Variants in MCF2L2 observed in about 807,000 individuals in gnomAD.
The protein encoded by MCF2L2 is probable guanine nucleotide exchange factor MCF2L2.
In MCF2L2, 102 loss-of-function variants were observed where a neutral mutation model predicts 150.2. The observed-to-expected ratio is 0.68, with a 90% CI of 0.58 to 0.80. The LOEUF (loss-of-function observed/expected upper bound fraction) is 0.80. Ranked by LOEUF, MCF2L2 falls within the 30% of genes least tolerant of loss-of-function variation. MCF2L2 has a pLI of 0.00. For missense variants in MCF2L2, 1,256 were observed against 1,372.8 expected (o/e 0.91, Z 1.34); for synonymous variants, 465 against 491.3 (o/e 0.95, Z 0.71).
chr3:183,385,369 CTT>C (rs757271871), intron 2 of MCF2L2, among the ~76,000 whole-genome samples: 1 of 152,186 alleles, frequency 6.6e-6, no homozygotes, highest in Non-Finnish European at 1.5e-5. Flanking sequence ...GCTCCGATCT[CTT>C]CCTTGGTTTG....
intron 10 of MCF2L2, among the ~76,000 whole-genome samples, chr3:183,301,749 C>T (rs1381699314): frequency 2.0e-5 from 3 of 148,582 alleles, no homozygotes; most frequent in Non-Finnish European, 3.0e-5. Context: ...GAGCCAAGAT[C>T]GTGCCACTGC....
At position 183,297,042 on chromosome 3, in the gene MCF2L2, C is replaced by A; in HGVS notation, c.1431G>T (p.Glu477Asp). Residue 477 changes from glutamate to aspartate, a missense_variant, in exon 12 of 30, where the codon GAG (glutamate) becomes GAT (aspartate). Physicochemically the swap from Glu to Asp is conservative, Grantham distance 45. Transcript: ENST00000328913. Reference sequence around the variant, plus strand: ...ACTCCTTGGGGCTGAGCAACGGGTACTCCTTGACTGTGCCCAGGAATGTCG... The same window carrying A: ...ACTCCTTGGGGCTGAGCAACGGGTAATCCTTGACTGTGCCCAGGAATGTCG... The part of the protein sequence containing the change: ...DIATFLGTVK[E>D]YPLLSPKEFY... The A allele has an allele frequency of 6.2e-7, 1 of 1,614,186 alleles. No homozygotes were observed. The highest frequency in any genetic ancestry group is 8.5e-7 in the Non-Finnish European group (1 of 1,180,028).
At chr3:183,386,206 A>C (rs1258044155) in intron 2 of MCF2L2, among the ~76,000 whole-genome samples, 1 of 152,236 alleles carries the variant, frequency 6.6e-6, no homozygotes, top group African/African-American at 2.4e-5. Flanking sequence ...TGGAATGTGA[A>C]CCCAGAATTG....
rs77527195 is a variant in MCF2L2, at chr3:183,227,327, G to C, written c.2115+970C>G. 7.7e-4 allele frequency: 117 copies of C among 152,310 alleles called. No homozygotes were observed. Among genetic ancestry groups the C allele is most frequent in the African/African-American group, 2.6e-3 (110 of 41,554 alleles). The allele number at this position is 152,310 out of a possible 1,614,324, so 9.4% of individuals were successfully genotyped here. A position where few individuals can be genotyped will look rare whatever the true frequency, so the allele number is the denominator to read the frequency against. ...CCTATTTGTTGCCTAAAACAGGGTG[G>C]AGAAACAGGGAAAGAGGGAAGAAGT... On this transcript the variant is annotated intron_variant, in intron 18 of 29. Coordinates refer to ENST00000328913, the MANE Select transcript of MCF2L2 (RefSeq NM_015078.4). The surrounding 1 kb of genome is among the most constrained non-coding windows in gnomAD (Gnocchi z 4.0).
chr3:183,309,670 C>A, intron 10 of MCF2L2, 46 bp downstream of exon 10: 1 of 1,613,350 alleles, frequency 6.2e-7, no homozygotes, highest in Non-Finnish European at 8.5e-7. Flanking sequence ...CCATCATTGT[C>A]CACAGCAACC....
chr3:183,256,153 T>G (rs755259781), intron 15 of MCF2L2, among the ~76,000 whole-genome samples: 1 of 152,238 alleles, frequency 6.6e-6, no homozygotes, highest in Non-Finnish European at 1.5e-5. Flanking sequence ...ATTATGCCTT[T>G]TCTGAAATAT....
At chr3:183,418,567 C>T (rs1377067902) in intron 1 of MCF2L2, among the ~76,000 whole-genome samples, 1 of 152,196 alleles carries the variant, frequency 6.6e-6, no homozygotes, top group Admixed American at 6.5e-5. Flanking sequence ...TTCCAAGACA[C>T]AATGAGGGTG....
In MCF2L2 at chr3:183,379,428, T is replaced by C; in HGVS notation, c.161-17A>G. On this transcript the variant is annotated splice_polypyrimidine_tract_variant and intron_variant, in intron 2 of 29. Coordinates refer to ENST00000328913, the MANE Select transcript of MCF2L2 (RefSeq NM_015078.4). Reference sequence around the variant, plus strand: ...CTCGGCCTCCTGCAACAAAAACAGGTGGTCAAAATGTTAGCAAAATGTTGT... The same window carrying C: ...CTCGGCCTCCTGCAACAAAAACAGGCGGTCAAAATGTTAGCAAAATGTTGT... 1 of 1,574,728 alleles carries C rather than the reference T, an allele frequency of 6.4e-7. No homozygotes were observed. Among genetic ancestry groups the C allele is most frequent in the East Asian group, 2.3e-5 (1 of 44,082 alleles).
At chr3:183,209,967 C>T (rs1722633593) in intron 22 of MCF2L2, among the ~76,000 whole-genome samples, 1 of 151,932 alleles carries the variant, frequency 6.6e-6, no homozygotes, top group Non-Finnish European at 1.5e-5. Flanking sequence ...CACTTTTGGC[C>T]TCAAGCATTT....
At chr3:183,417,602 A>G (rs1715671653) in intron 1 of MCF2L2, among the ~76,000 whole-genome samples, 1 of 152,234 alleles carries the variant, frequency 6.6e-6, no homozygotes, top group Non-Finnish European at 1.5e-5. Flanking sequence ...AACTTCCTTT[A>G]GTATTCCTTA....
chr3:183,397,600 A>G (rs1560057088), intron 1 of MCF2L2, among the ~76,000 whole-genome samples: 1 of 152,200 alleles, frequency 6.6e-6, no homozygotes, highest in African/African-American at 2.4e-5. Flanking sequence ...ACAAAATGAG[A>G]TCTTTTCTGC....
Position 183,227,044 on chromosome 3 carries a change from A to G in MCF2L2, c.2115+1253T>C, listed in dbSNP as rs904029942. The G allele has an allele frequency of 2.6e-5, 4 of 152,336 alleles. No homozygotes were observed. Among genetic ancestry groups the G allele is most frequent in the African/African-American group, 7.2e-5 (3 of 41,582 alleles). 9.4% of individuals were successfully genotyped at this position (152,336 alleles called of 1,614,324 possible). ...GAGGCTTTGTTTGCTTCCAGTTATCATAAGTATTGCTCTCAGCCTCAGTCA... is the reference window on the plus strand; with the variant it reads ...GAGGCTTTGTTTGCTTCCAGTTATCGTAAGTATTGCTCTCAGCCTCAGTCA... On this transcript the variant is annotated intron_variant, in intron 18 of 29. Transcript: ENST00000328913. The surrounding 1 kb of genome is among the most constrained non-coding windows in gnomAD (Gnocchi z 4.0).
intron 5 of MCF2L2, among the ~76,000 whole-genome samples, chr3:183,323,952 C>G (rs141199551): frequency 1.1e-3 from 167 of 152,212 alleles, no homozygotes; most frequent in African/African-American, 3.9e-3. Context: ...AGAAGTCAGG[C>G]CTTGCTTTAC....
intron 2 of MCF2L2, among the ~76,000 whole-genome samples, chr3:183,382,185 A>G (rs867422797): frequency 1.3e-5 from 2 of 151,926 alleles, no homozygotes; most frequent in Non-Finnish European, 2.9e-5. Flanking sequence ...CAGCCTACCG[A>G]GTAGCTGGGA....
chr3:183,311,975 G>GT (rs1577054911), intron 7 of MCF2L2, among the ~76,000 whole-genome samples: 1 of 151,984 alleles, frequency 6.6e-6, no homozygotes, highest in East Asian at 1.9e-4. Context: ...ATCCGAAAGG[G>GT]TATACATCAA....
At position 183,181,812 on chromosome 3, in the gene MCF2L2, G is replaced by A. The variant is rs1721532921; in HGVS notation, c.3017-1653C>T. ...CACTGGGAGGCTGGCGGTTGGGCCT[G>A]GCTCAGGAGCCTTCGTCAGCCATAG... On this transcript the variant is annotated intron_variant, in intron 27 of 29. Coordinates refer to ENST00000328913, the MANE Select transcript of MCF2L2 (RefSeq NM_015078.4). This position sits in a 1 kb window ranked among gnomAD's most constrained non-coding sequence, Gnocchi z 4.3. 6.6e-6 allele frequency among the ~76,000 whole-genome samples: 1 copy of A among 152,176 alleles called. No homozygotes were observed. The highest frequency in any genetic ancestry group is 1.5e-5 in the Non-Finnish European group (1 of 68,026).
rs567936785 is a variant in MCF2L2 at position 183,355,801 on chromosome 3, G to A, written c.276-14171C>T. On this transcript the variant is annotated intron_variant, in intron 3 of 29. Coordinates refer to ENST00000328913, the MANE Select transcript of MCF2L2 (RefSeq NM_015078.4). ...CTTTTCAAGTCCACACCAGTCACCT[G>A]AGGGTCCTGTTAAACATAGCAATTT... Among the ~76,000 whole-genome samples, 4 of 152,016 alleles carry A rather than the reference G, an allele frequency of 2.6e-5. No individual in the cohort carries two copies. The South Asian group carries it at 8.3e-4, about 32-fold the overall frequency.
At chr3:183,231,293 C>T (rs1315988571) in intron 15 of MCF2L2, 2 of 563,958 alleles carry the variant, frequency 3.5e-6, no homozygotes, top group African/African-American at 1.9e-5. Context: ...TCTGGGTGGG[C>T]CATATAGTGT....
At chr3:183,367,994 G>A (rs1243872336) in intron 3 of MCF2L2, among the ~76,000 whole-genome samples, 1 of 152,254 alleles carries the variant, frequency 6.6e-6, no homozygotes, top group East Asian at 1.9e-4. Context: ...ACTGAGCCAG[G>A]GGCCAGAAAA....
Sources: allele counts gnomAD v4.1 joint callset (sites outside exome capture counted in the v4.1 genomes callset), GRCh38; gene constraint gnomAD v4.1.1; non-coding constraint Gnocchi (gnomAD v3.1); transcripts MANE v1.5; gene names NCBI Gene and HGNC (gene_info 2026-07-23, HGNC 2026-07-21).